The following USP25 variants were observed in gnomAD, a reference collection of about 807,000 sequenced individuals.
USP25 encodes the protein ubiquitin specific peptidase 25.
In USP25, 85 loss-of-function variants were observed where a neutral mutation model predicts 158.5. That is an observed-to-expected ratio of 0.54 (90% CI 0.45 to 0.64). The LOEUF is 0.64. Ranked by LOEUF, USP25 falls within the 30% of genes least tolerant of loss-of-function variation. The probability of loss-of-function intolerance (pLI) is 0.00; values close to 1 mark genes in which losing one functional copy is unlikely to be tolerated. For missense variants in USP25, 1,242 were observed against 1,327.3 expected (o/e 0.94, Z 1.00); for synonymous variants, 464 against 460.4 (o/e 1.01, Z -0.10).
At chr21:15,850,013 G>T (rs2038811098) in intron 20 of USP25, 141 bp downstream of exon 20, 1 of 588,144 alleles carries the variant, frequency 1.7e-6, no homozygotes, top group Non-Finnish European at 2.8e-6. Context: ...ATATCCTAGG[G>T]TTTTATTTTA....
chr21:15,735,741 G>T (rs1020344293), intron 1 of USP25, among the ~76,000 whole-genome samples: 1 of 152,138 alleles, frequency 6.6e-6, no homozygotes, highest in African/African-American at 2.4e-5. Context: ...ATTAGATAGC[G>T]TTCAACTGAG....
chr21:15,786,772 G>A (rs1201207771), intron 4 of USP25, among the ~76,000 whole-genome samples: 1 of 152,012 alleles, frequency 6.6e-6, no homozygotes, highest in African/African-American at 2.4e-5. Context: ...TCTTAGAGCA[G>A]TTAGGCAGGG....
chr21:15,731,471 A>G (rs1293416438), intron 1 of USP25, among the ~76,000 whole-genome samples: 1 of 150,962 alleles, frequency 6.6e-6, no homozygotes. Context: ...GTAGATTGCA[A>G]TATTCTACCT....
chr21:15,818,592 C>G lies in USP25; in HGVS notation c.932-106C>G. 5 of 917,460 alleles carry G rather than the reference C, an allele frequency of 5.4e-6. No individual in the cohort carries two copies. The South Asian group carries it at 9.6e-5, about 18-fold the overall frequency. 56.8% of individuals were successfully genotyped at this position (917,460 alleles called of 1,614,324 possible). On this transcript the variant is annotated intron_variant, in intron 9 of 25. Coordinates refer to ENST00000400183, the MANE Select transcript of USP25 (RefSeq NM_001283041.3). The stretch of plus-strand genomic sequence containing the variant: ...CACTAACACTTCTCAGGAATGAAAT[C>G]AGTCAGTGTTACAATTTTCAGGTTC...
chr21:15,745,108 G>A (rs181005152), intron 1 of USP25: 2 of 152,416 alleles, frequency 1.3e-5, no homozygotes, highest in Admixed American at 1.3e-4. Flanking sequence ...CTTCTAAGCA[G>A]GGGCATCTTT....
chr21:15,817,394 A>C (rs1201107831), intron 9 of USP25, among the ~76,000 whole-genome samples: 1 of 152,122 alleles, frequency 6.6e-6, no homozygotes, highest in East Asian at 1.9e-4. Context: ...ATTTCTGGAT[A>C]GATTCTGCAA....
intron 8 of USP25, 144 bp downstream of exon 8, chr21:15,809,029 G>A (rs1364621898): frequency 3.3e-6 from 2 of 602,146 alleles, no homozygotes; most frequent in Admixed American, 7.8e-5. Flanking sequence ...TTTAGAATTT[G>A]CAGGCACAAA....
In USP25 at chr21:15,730,152, G is replaced by A. The variant is rs1469395364; in HGVS notation, c.-242G>A. On this transcript the variant is annotated 5_prime_UTR_variant, in exon 1 of 26. It removes the in-frame stop codon of an upstream open reading frame in the 5' UTR. Coordinates refer to ENST00000400183, the MANE Select transcript of USP25 (RefSeq NM_001283041.3). Reference sequence around the variant, plus strand: ...CGGGCCGCCGCGGACGAGCGGCGCTGAGGCGGGCCGCGTGGAGACGTGAGG... The same window carrying A: ...CGGGCCGCCGCGGACGAGCGGCGCTAAGGCGGGCCGCGTGGAGACGTGAGG... 5.3e-6 allele frequency: 1 copy of A among 189,754 alleles called. No individual in the cohort carries two copies. The highest frequency in any genetic ancestry group is 9.7e-6 in the Non-Finnish European group (1 of 103,192). 11.8% of individuals were successfully genotyped at this position (189,754 alleles called of 1,614,324 possible).
intron 17 of USP25, among the ~76,000 whole-genome samples, chr21:15,834,514 C>T (rs762353795): frequency 1.7e-4 from 25 of 151,474 alleles, no homozygotes; most frequent in South Asian, 4.2e-4. Context: ...TTTCATCTTT[C>T]GCAGACAGAG....
At chr21:15,746,683 A>T (rs1241418481) in intron 1 of USP25, among the ~76,000 whole-genome samples, 5 of 152,232 alleles carry the variant, frequency 3.3e-5, no homozygotes, top group Admixed American at 3.3e-4. Context: ...GTTGTGAGCC[A>T]CTGCACCCTG....
rs1601203400 is a variant in USP25 at position 15,875,518 on chromosome 21, A to T, written c.3009+992A>T. Among the ~76,000 whole-genome samples the T allele has an allele frequency of 6.6e-6, 1 of 152,350 alleles. No homozygotes were observed. Among genetic ancestry groups the T allele is most frequent in the Non-Finnish European group, 1.5e-5 (1 of 68,036 alleles). On this transcript the variant is annotated intron_variant, in intron 24 of 25. Coordinates refer to ENST00000400183, the MANE Select transcript of USP25 (RefSeq NM_001283041.3). This position sits in a 1 kb window ranked among gnomAD's most constrained non-coding sequence, Gnocchi z 4.7. ...TGTACTTCCTGTCCTCAGAAAACTC[A>T]GTCTGGTAGGAGACATAATTGTTTG... is the stretch of plus-strand genomic sequence containing the variant.
At chr21:15,865,176 T>C (rs1329738895) in intron 21 of USP25, among the ~76,000 whole-genome samples, 1 of 152,156 alleles carries the variant, frequency 6.6e-6, no homozygotes, top group Non-Finnish European at 1.5e-5. Context: ...ATTAAACTAC[T>C]AATGTTAAAA....
intron 17 of USP25, among the ~76,000 whole-genome samples, chr21:15,838,527 G>A (rs1395383835): frequency 1.3e-5 from 2 of 151,998 alleles, no homozygotes; most frequent in African/African-American, 4.8e-5. Flanking sequence ...GACTTTCTTC[G>A]GAATGGGGCC....
intron 4 of USP25, among the ~76,000 whole-genome samples, chr21:15,778,940 C>G (rs1043741994): frequency 2.0e-5 from 3 of 152,120 alleles, no homozygotes; most frequent in East Asian, 3.9e-4. Flanking sequence ...ACAGAATGTA[C>G]CAAATTTCTC....
chr21:15,745,407 T>C (rs1345436173), intron 1 of USP25, among the ~76,000 whole-genome samples: 2 of 151,994 alleles, frequency 1.3e-5, no homozygotes, highest in African/African-American at 4.8e-5. Context: ...TGAAGTATTT[T>C]AATATTGATT....
chr21:15,787,705 T>C (rs1490965221), intron 4 of USP25, among the ~76,000 whole-genome samples: 1 of 152,034 alleles, frequency 6.6e-6, no homozygotes. Flanking sequence ...GGAAATCAAA[T>C]GAGATGTTTC....
intron 20 of USP25, among the ~76,000 whole-genome samples, chr21:15,864,023 G>C (rs920270540): frequency 2.7e-5 from 4 of 148,526 alleles, no homozygotes; most frequent in Admixed American, 2.0e-4. Context: ...GGGGAGAGTG[G>C]GAGACTTCTT....
At chr21:15,748,712 A>G (rs1377152327) in intron 1 of USP25, among the ~76,000 whole-genome samples, 2 of 152,150 alleles carry the variant, frequency 1.3e-5, no homozygotes, top group African/African-American at 2.4e-5. Context: ...AAAACCAACT[A>G]CTAACTTAAA....
At chr21:15,745,768 G>A (rs149864994) in intron 1 of USP25, among the ~76,000 whole-genome samples, 272 of 152,112 alleles carry the variant, frequency 1.8e-3, no homozygotes, top group Non-Finnish European at 3.1e-3. Context: ...GAGCCACCAC[G>A]CCCGGCTGCT....
Sources: allele counts gnomAD v4.1 joint callset (sites outside exome capture counted in the v4.1 genomes callset), GRCh38; gene constraint gnomAD v4.1.1; non-coding constraint Gnocchi (gnomAD v3.1); transcripts MANE v1.5; gene names NCBI Gene and HGNC (gene_info 2026-07-23, HGNC 2026-07-21).